Variants in PSEN2 observed in about 807,000 individuals in gnomAD.
The protein encoded by PSEN2 is presenilin-2.
PSEN2 carries 32 observed loss-of-function variants against 49.1 expected under a neutral mutation model. The ratio of observed to expected loss-of-function variants is 0.65; its 90% CI spans 0.49 to 0.88. The LOEUF (loss-of-function observed/expected upper bound fraction) is 0.88. PSEN2 is among the 40% of genes least tolerant of loss of function. PSEN2 has a pLI of 0.00. For missense variants in PSEN2, 522 were observed against 586.9 expected, an observed-to-expected ratio of 0.89 and a Z score of 1.14; for synonymous variants, 255 against 244.0, an observed-to-expected ratio of 1.05 and a Z score of -0.42.
rs1432829739 is a variant in PSEN2 at position 226,883,894 on chromosome 1, T to C, written c.331T>C (p.Phe111Leu). 4.4e-6 allele frequency: 7 copies of C among 1,599,998 alleles called. No individual in the cohort carries two copies. The African/African-American group carries it at 8.1e-5, about 19-fold the overall frequency. Reference protein sequence around the residue: ...VVVATIKSVRFYTEKNGQLIY... With the variant: ...VVVATIKSVRLYTEKNGQLIY... ...GGTAGCCACCATCAAGTCTGTGCGC[T>C]TCTACACAGAGAAGAATGGACAGCT... The change falls in exon 5 of 13, where the codon TTC becomes CTC. Residue 111 changes from phenylalanine (F) to leucine (L), a missense_variant. Phe to Leu is a conservative substitution (Grantham distance 22, BLOSUM62 0). Coordinates refer to ENST00000366783, the MANE Select transcript of PSEN2 (RefSeq NM_000447.3).
At chr1:226,903,118 T>A (rs1198717466) in intron 12 of PSEN2, among the ~76,000 whole-genome samples, 1 of 151,944 alleles carries the variant, frequency 6.6e-6, no homozygotes, top group African/African-American at 2.4e-5. Flanking sequence ...ATTTTTTGAT[T>A]TTTTCTTTTT....
At chr1:226,897,590 A>G (rs1278152593), downstream of PSEN2, 1 of 155,138 alleles carries the variant, frequency 6.4e-6, no homozygotes, top group Non-Finnish European at 1.5e-5. Context: ...CAAATGGCAA[A>G]GAAGAAAAAT....
intron 2 of PSEN2, among the ~76,000 whole-genome samples, chr1:226,871,742 C>T (rs535949101): frequency 2.6e-5 from 4 of 152,368 alleles, no homozygotes; most frequent in South Asian, 2.1e-4. Context: ...GCCTCCAAGG[C>T]CTTCAGCCAA....
chr1:226,889,129 C>T (rs1340767808), intron 8 of PSEN2, 80 bp downstream of exon 8: 4 of 1,343,352 alleles, frequency 3.0e-6, no homozygotes, highest in African/African-American at 2.9e-5. Context: ...ACAAGGAGGG[C>T]AGGTGCTGAA....
rs199997144 is a variant in PSEN2 at position 226,885,505 on chromosome 1, C to T, written c.357-33C>T. 175 of 1,611,496 alleles carry T rather than the reference C, an allele frequency of 1.1e-4. 2 individuals are homozygous for T. In the South Asian group the frequency reaches 1.8e-3, roughly 17 times the overall value. On this transcript the variant is annotated intron_variant, in intron 5 of 12. Coordinates refer to ENST00000366783, the MANE Select transcript of PSEN2 (RefSeq NM_000447.3). ...GGGGAGCCTCGAGGAGCAGTCAGGG[C>T]CGGGAGCATCAGCCCTTTGCCTTCT...
downstream of PSEN2, among the ~76,000 whole-genome samples, chr1:226,899,974 A>G (rs977719935): frequency 3.9e-5 from 6 of 152,230 alleles, no homozygotes; most frequent in Admixed American, 3.3e-4. Flanking sequence ...AGACTGGGAA[A>G]TGTCTTTATT....
intron 6 of PSEN2, among the ~76,000 whole-genome samples, chr1:226,886,467 A>G (rs971391240): frequency 1.3e-5 from 2 of 152,222 alleles, no homozygotes; most frequent in Non-Finnish European, 2.9e-5. Flanking sequence ...CCATCTGGCC[A>G]GAATCATGGG....
chr1:226,897,091 G>A (rs1662176108), downstream of PSEN2, among the ~76,000 whole-genome samples: 1 of 152,210 alleles, frequency 6.6e-6, no homozygotes, highest in Non-Finnish European at 1.5e-5. Context: ...TAGTAGTGCA[G>A]GTCAGAGACC....
intron 2 of PSEN2, among the ~76,000 whole-genome samples, chr1:226,873,618 G>A (rs1014158252): frequency 4.6e-5 from 7 of 152,028 alleles, no homozygotes; most frequent in African/African-American, 1.7e-4. Flanking sequence ...GTTTCACCAT[G>A]TTGGCCAGGC....
intron 2 of PSEN2, among the ~76,000 whole-genome samples, chr1:226,871,838 CA>C (rs1660316249): frequency 6.6e-6 from 1 of 152,262 alleles, no homozygotes; most frequent in African/African-American, 2.4e-5. Flanking sequence ...TGGTTGTGGG[CA>C]GCCGGTGACT....
chr1:226,893,155 T>C (rs1661874137), intron 11 of PSEN2, among the ~76,000 whole-genome samples: 1 of 152,240 alleles, frequency 6.6e-6, no homozygotes, highest in East Asian at 1.9e-4. Flanking sequence ...GGTTTCGAAC[T>C]CCTGGGCTCA....
intron 12 of PSEN2, chr1:226,903,629 G>A (rs559446036): frequency 6.6e-6 from 1 of 151,434 alleles, no homozygotes. Context: ...GTTCTTTCTG[G>A]TCGTGTTTAC....
chr1:226,895,606 G>A lies in PSEN2; in HGVS notation c.*27G>A, dbSNP rs1333749158. On this transcript the variant is annotated 3_prime_UTR_variant, in exon 13 of 13. Transcript: ENST00000366783. Reference sequence around the variant, plus strand: ...GGACATGGTGTGCCACAGGCTGCAAGCTGCAGGGAATTTTCATTGGATGCA... The same window carrying A: ...GGACATGGTGTGCCACAGGCTGCAAACTGCAGGGAATTTTCATTGGATGCA... 9 of 1,600,362 alleles carry A rather than the reference G, an allele frequency of 5.6e-6. No individual in the cohort carries two copies. The highest frequency in any genetic ancestry group is 7.7e-6 in the Non-Finnish European group (9 of 1,172,880).
intron 2 of PSEN2, among the ~76,000 whole-genome samples, chr1:226,873,765 A>G (rs1274258583): frequency 2.0e-5 from 3 of 152,162 alleles, no homozygotes; most frequent in Non-Finnish European, 2.9e-5. Context: ...TCACATATGC[A>G]TATTTATCTA....
At chr1:226,877,763 C>G (rs1032722401) in intron 3 of PSEN2, among the ~76,000 whole-genome samples, 5 of 152,230 alleles carry the variant, frequency 3.3e-5, no homozygotes, top group African/African-American at 1.2e-4. Context: ...CACTTGTTTT[C>G]TGGTGAGGAG....
At chr1:226,901,487 T>A (rs1662319785), downstream of PSEN2, among the ~76,000 whole-genome samples, 4 of 150,058 alleles carry the variant, frequency 2.7e-5, no homozygotes, top group African/African-American at 4.9e-5. Context: ...CTTGGGAGGC[T>A]GAGTCGTGAG....
intron 9 of PSEN2, chr1:226,890,418 C>G (rs1661667302): frequency 2.4e-6 from 1 of 412,630 alleles, no homozygotes; most frequent in Admixed American, 3.5e-5. Flanking sequence ...TGTGATCCCG[C>G]AGCCACCCCT....
At chr1:226,880,617 C>CGATCACTCAGCCTCTGGACAGT (rs1558142102) in intron 3 of PSEN2, 14 of 1,607,732 alleles carry the variant, frequency 8.7e-6, no homozygotes, top group Admixed American at 8.4e-5. Context: ...CTCTGGACAG[C>CGATCACTCAGCCTCTGGACAGT]GATAACTCAG....
intron 8 of PSEN2, 96 bp from the exon 9 acceptor site, chr1:226,889,939 C>T (rs1661627098): frequency 1.0e-6 from 1 of 975,342 alleles, no homozygotes. Context: ...AAGGCATGCT[C>T]TGAGAGCTCC....
Sources: gnomAD v4.1 joint callset for allele counts (sites outside exome capture counted in the v4.1 genomes callset) on GRCh38, gnomAD v4.1.1 for gene constraint, MANE v1.5 for transcripts, NCBI Gene and HGNC (gene_info 2026-07-23, HGNC 2026-07-21) for gene names.